The following RIMBP2 variants were observed in gnomAD, a reference collection of about 807,000 sequenced individuals.
The protein encoded by RIMBP2 is RIMS binding protein 2, also known as RIMS-binding protein 2.
RIMBP2 carries 48 observed loss-of-function variants against 118.6 expected under a neutral mutation model. The ratio of observed to expected loss-of-function variants is 0.40; its 90% CI spans 0.32 to 0.51. The LOEUF (loss-of-function observed/expected upper bound fraction) is 0.51, where lower values mean the gene tolerates loss of function less well. RIMBP2 is among the 20% of genes least tolerant of loss of function. The pLI is 0.41. For synonymous variants in RIMBP2, 762 were observed against 742.9 expected (o/e 1.03, Z -0.42); for missense variants, 1,551 against 1,768.3 (o/e 0.88, Z 2.20).
At chr12:130,403,525 T>G (rs1412830756) in intron 21 of RIMBP2, among the ~76,000 whole-genome samples, 1 of 152,230 alleles carries the variant, frequency 6.6e-6, no homozygotes, top group African/African-American at 2.4e-5. Context: ...ATATGTAGAT[T>G]GTTAAAAACT....
At chr12:130,528,940 A>G (rs1052946897) in intron 2 of RIMBP2, among the ~76,000 whole-genome samples, 1 of 152,212 alleles carries the variant, frequency 6.6e-6, no homozygotes, top group Non-Finnish European at 1.5e-5. Context: ...TTACCCAGCA[A>G]TTCACTCCCA....
At chr12:130,516,632 A>T (rs1593610932) in intron 3 of RIMBP2, among the ~76,000 whole-genome samples, 2 of 152,246 alleles carry the variant, frequency 1.3e-5, no homozygotes, top group African/African-American at 4.8e-5. Flanking sequence ...AGAAGCTCCC[A>T]GCTGTTGAAG....
At chr12:130,610,782 G>C (rs374614329) in intron 2 of RIMBP2, among the ~76,000 whole-genome samples, 218 of 151,710 alleles carry the variant, frequency 1.4e-3, no homozygotes, top group African/African-American at 5.0e-3. Flanking sequence ...GGATGGTCTC[G>C]ATCTCCTGAC....
intron 1 of RIMBP2, among the ~76,000 whole-genome samples, chr12:130,642,267 G>C (rs1297473380): frequency 7.6e-6 from 1 of 132,352 alleles, no homozygotes; most frequent in Non-Finnish European, 1.6e-5. Flanking sequence ...GGGACTCTGG[G>C]TTTAGTTTAG....
chr12:130,714,865 C>A (rs960002582), intron 1 of RIMBP2, among the ~76,000 whole-genome samples: 9 of 152,210 alleles, frequency 5.9e-5, no homozygotes, highest in African/African-American at 2.2e-4. Flanking sequence ...AGCTGATTCC[C>A]GGACAGCCCA....
At position 130,710,964 on chromosome 12, in the gene RIMBP2, C is replaced by A. The variant is rs779333709; in HGVS notation, c.-352+5258G>T. Among the ~76,000 whole-genome samples the A allele has an allele frequency of 9.9e-5, 15 of 152,222 alleles. No homozygotes were observed. Among genetic ancestry groups the A allele is most frequent in the Non-Finnish European group, 1.9e-4 (13 of 68,044 alleles). On this transcript the variant is annotated intron_variant, in intron 1 of 22. Coordinates refer to ENST00000690449, the MANE Select transcript of RIMBP2 (RefSeq NM_001393629.1). The surrounding 1 kb of genome is among the most constrained non-coding windows in gnomAD (Gnocchi z 4.3). ...GAGCATTAAGAAGAGGCTATCTGAC[C>A]AGGCACAGTGGCTCATGCCTGTAAT...
chr12:130,517,957 T>C, intron 2 of RIMBP2, 40 bp from the exon 3 acceptor site: 1 of 856,104 alleles, frequency 1.2e-6, no homozygotes, highest in Non-Finnish European at 1.4e-6. Flanking sequence ...GGTGCCCCCA[T>C]GTTTAGAGAC....
chr12:130,452,505 C>T (rs376799624), intron 7 of RIMBP2, among the ~76,000 whole-genome samples: 1 of 152,206 alleles, frequency 6.6e-6, no homozygotes, highest in Non-Finnish European at 1.5e-5. Context: ...AAGTGAATAT[C>T]GAACGATTCA....
chr12:130,437,099 T>C lies in RIMBP2; in HGVS notation c.1849A>G (p.Lys617Glu). ...TPHPRPAPQS[K>E]PLASSGVPET... ...GGGACTCCAGAACTTGCTAATGGCT[T>C]TGATTGGGGTGCAGGTCTCGGGTGG... Residue 617 changes from lysine to glutamate, a missense_variant, in exon 13 of 23, where the codon AAG becomes GAG. Physicochemically the swap from Lys to Glu is moderately conservative, Grantham distance 56 (BLOSUM62 1). Transcript: ENST00000690449. 1 of 1,577,454 alleles carries C rather than the reference T, an allele frequency of 6.3e-7. No homozygotes were observed. Among genetic ancestry groups the C allele is most frequent in the Non-Finnish European group, 8.6e-7 (1 of 1,160,182 alleles).
chr12:130,486,768 T>C (rs546645651), intron 4 of RIMBP2, among the ~76,000 whole-genome samples: 2 of 150,658 alleles, frequency 1.3e-5, no homozygotes, highest in South Asian at 4.2e-4. Context: ...CCCACCCATG[T>C]CTGCCGTTCT....
intron 1 of RIMBP2, among the ~76,000 whole-genome samples, chr12:130,704,676 C>G (rs554540416): frequency 1.5e-4 from 23 of 152,264 alleles, no homozygotes; most frequent in Admixed American, 3.9e-4. Context: ...ACCCACTTTC[C>G]AAAGGTGTTC....
rs2077408591 is a variant in RIMBP2, at chr12:130,434,997, A to G, written c.2107-117T>C. The G allele has an allele frequency of 9.2e-7, 1 of 1,082,234 alleles. No individual in the cohort carries two copies. 67.0% of individuals were successfully genotyped at this position (1,082,234 alleles called of 1,614,324 possible). On this transcript the variant is annotated intron_variant, in intron 13 of 22. Coordinates refer to ENST00000690449, the MANE Select transcript of RIMBP2 (RefSeq NM_001393629.1). The surrounding 1 kb of genome is among the most constrained non-coding windows in gnomAD (Gnocchi z 5.7). Reference sequence around the variant, plus strand: ...GAGCCTGGCCAGGCACCCCCCACACAGTGCTTTGGGCCCAGCTCTGCCGCC... The same window carrying G: ...GAGCCTGGCCAGGCACCCCCCACACGGTGCTTTGGGCCCAGCTCTGCCGCC...
chr12:130,708,778 C>T (rs1949681780), intron 1 of RIMBP2, among the ~76,000 whole-genome samples: 1 of 152,202 alleles, frequency 6.6e-6, no homozygotes, highest in African/African-American at 2.4e-5. Context: ...CTCGCGTGGG[C>T]CCTGGACACA....
rs1391973105 is a variant in RIMBP2 at position 130,557,407 on chromosome 12, G to A, written c.-216-39490C>T. The stretch of plus-strand genomic sequence containing the variant: ...TCATCCGTGTCCCATCAGGCCATCT[G>A]AAAATGCAGTCAGGCCTGCCCTCAG... On this transcript the variant is annotated intron_variant, in intron 2 of 22. Coordinates refer to ENST00000690449, the MANE Select transcript of RIMBP2 (RefSeq NM_001393629.1). Among the ~76,000 whole-genome samples the A allele has an allele frequency of 4.6e-5, 7 of 152,356 alleles. No individual in the cohort carries two copies. The East Asian group carries it at 1.3e-3, about 29-fold the overall frequency.
Position 130,407,772 on chromosome 12 carries a change from A to G in RIMBP2, c.3647T>C (p.Leu1216Pro). The change falls in exon 20 of 23, where the codon CTG becomes CCG. Residue 1216 changes from leucine to proline, a missense_variant. Transcript: ENST00000690449. ...GCTTTCTCTGGGGTCGTAGTCATAC[A>G]GGGCCACCATTCTCCGCGTCGATAC... ...HSVSTRRMVA[L>P]YDYDPRESSP... 6.2e-7 allele frequency: 1 copy of G among 1,614,168 alleles called. No homozygotes were observed.
intron 2 of RIMBP2, among the ~76,000 whole-genome samples, chr12:130,573,388 T>TCG (rs994282736): frequency 3.2e-4 from 32 of 99,068 alleles, no homozygotes; most frequent in Admixed American, 1.0e-4. Flanking sequence ...AGATAAGTGT[T>TCG]CGCGCGTGTG....
chr12:130,595,794 GGA>G (rs1452893139), intron 2 of RIMBP2, among the ~76,000 whole-genome samples: 1 of 152,154 alleles, frequency 6.6e-6, no homozygotes, highest in Non-Finnish European at 1.5e-5. Flanking sequence ...AGGGAGCAGG[GGA>G]GAGTGCAGCA....
intron 17 of RIMBP2, among the ~76,000 whole-genome samples, chr12:130,416,351 A>G (rs2076101591): frequency 1.3e-5 from 2 of 152,248 alleles, no homozygotes; most frequent in South Asian, 4.1e-4. Context: ...TCACTATAAT[A>G]GCATGGCACT....
At chr12:130,697,447 C>T (rs2065629197) in intron 1 of RIMBP2, among the ~76,000 whole-genome samples, 1 of 152,078 alleles carries the variant, frequency 6.6e-6, no homozygotes, top group African/African-American at 2.4e-5. Flanking sequence ...TGCTTGAGCC[C>T]AGGAGTTCAA....
Sources: allele counts gnomAD v4.1 joint callset (sites outside exome capture counted in the v4.1 genomes callset), GRCh38; gene constraint gnomAD v4.1.1; non-coding constraint Gnocchi (gnomAD v3.1); transcripts MANE v1.5; gene names NCBI Gene and HGNC (gene_info 2026-07-23, HGNC 2026-07-21).